Variants in SAMD8 observed in about 807,000 individuals in gnomAD.
The protein encoded by SAMD8 is sterile alpha motif domain containing 8.
In SAMD8, 20 loss-of-function variants were observed where a neutral mutation model predicts 42.0. The observed-to-expected ratio is 0.48, with a 90% CI of 0.34 to 0.69. The LOEUF (loss-of-function observed/expected upper bound fraction) is 0.69. Among genes scored for constraint, SAMD8 ranks in the 30% least tolerant of loss-of-function variants. The pLI is 0.01. For missense variants in SAMD8, 328 were observed against 511.6 expected (o/e 0.64, Z 3.46); for synonymous variants, 162 against 173.0 (o/e 0.94, Z 0.50).
chr10:75,106,726 A>G (rs571264683), upstream of SAMD8, among the ~76,000 whole-genome samples: 14 of 152,360 alleles, frequency 9.2e-5, 1 homozygote, highest in South Asian at 2.5e-3. Context: ...CCTGCTTCTT[A>G]AAGTCTGGAT....
chr10:75,127,833 ATGC>A (rs1243022761), intron 1 of SAMD8, among the ~76,000 whole-genome samples: 3 of 152,234 alleles, frequency 2.0e-5, no homozygotes, highest in African/African-American at 7.2e-5. Context: ...TAACTAGTTC[ATGC>A]TAAGGAACAA....
At chr10:75,134,544 A>G (rs1849343222) in intron 1 of SAMD8, among the ~76,000 whole-genome samples, 1 of 152,040 alleles carries the variant, frequency 6.6e-6, no homozygotes, top group African/African-American at 2.4e-5. Context: ...CTAAGGCAGG[A>G]GAATTGCTTG....
At chr10:75,130,022 G>A (rs1439048607) in intron 1 of SAMD8, among the ~76,000 whole-genome samples, 3 of 152,088 alleles carry the variant, frequency 2.0e-5, no homozygotes, top group African/African-American at 7.2e-5. Flanking sequence ...GGGGCAATTA[G>A]GGGAGATATT....
At chr10:75,120,414 C>T (rs954198784) in intron 1 of SAMD8, among the ~76,000 whole-genome samples, 4 of 151,814 alleles carry the variant, frequency 2.6e-5, no homozygotes, top group Admixed American at 6.6e-5. Flanking sequence ...GGATTACAGG[C>T]GCCTGCCACC....
chr10:75,125,971 C>T (rs1384830786), intron 1 of SAMD8: 1 of 152,154 alleles, frequency 6.6e-6, no homozygotes, highest in Non-Finnish European at 1.5e-5. Flanking sequence ...CATCATCTGG[C>T]CCCAGTTTAT....
rs1473351168 is a variant in SAMD8 at position 75,180,990 on chromosome 10, CT to C, written c.*4299del. The C allele has an allele frequency of 6.6e-6, 1 of 152,148 alleles. No individual in the cohort carries two copies. Among genetic ancestry groups the C allele is most frequent in the Non-Finnish European group, 1.5e-5 (1 of 68,036 alleles). 9.4% of individuals were successfully genotyped at this position (152,148 alleles called of 1,614,324 possible). A position where few individuals can be genotyped will look rare whatever the true frequency, so the allele number is the denominator to read the frequency against. On this transcript the variant is annotated 3_prime_UTR_variant, in exon 6 of 6. Transcript: ENST00000542569. Reference sequence around the variant, plus strand: ...ATGTTAACCACATTCTTGTTTTAAACTCTCTAATTTAATAAATGTAATTATT... The same window carrying C: ...ATGTTAACCACATTCTTGTTTTAAACCTCTAATTTAATAAATGTAATTATT...
upstream of SAMD8, among the ~76,000 whole-genome samples, chr10:75,108,807 G>A (rs767579743): frequency 2.2e-4 from 34 of 152,162 alleles, no homozygotes; most frequent in South Asian, 4.1e-4. Context: ...TCAGGCAGGC[G>A]AAGTCCCTGC....
intron 1 of SAMD8, chr10:75,105,793 T>TGGTGCAGCATGAGGTAGGCCA (rs1322273436): frequency 5.2e-6 from 8 of 1,551,010 alleles, no homozygotes. Flanking sequence ...GGACAGCCGC[T>TGGTGCAGCATGAGGTAGGCCA]GGTGCAGCAT....
chr10:75,105,596 C>A, intron 1 of SAMD8: 1 of 1,418,010 alleles, frequency 7.1e-7, no homozygotes, highest in Non-Finnish European at 9.7e-7. Context: ...CCTATGTCTG[C>A]AGCCTAGGCC....
intron 1 of SAMD8, among the ~76,000 whole-genome samples, chr10:75,119,288 G>A (rs1362959538): frequency 6.6e-6 from 1 of 152,036 alleles, no homozygotes; most frequent in Admixed American, 6.6e-5. Context: ...CTGAGTAGCT[G>A]GGATTACAGG....
rs748500839 is a variant in SAMD8, at chr10:75,150,551, G to T, written c.23G>T (p.Cys8Phe). ...GAAATGGCAGGTCCTAATCAACTCT[G>T]CATTCGCCGCTGGACTACCAAGCAT... MAGPNQL[C>F]IRRWTTKHVA... is the part of the protein sequence containing the mutation. Residue 8 changes from cysteine (C) to phenylalanine (F), a missense_variant, in exon 2 of 6, where the codon TGC becomes TTC. Around this residue, in one of 2 missense-constraint regions of SAMD8, gnomAD observed 150 missense variants for 186.0 expected, o/e 0.81. Transcript: ENST00000542569. The T allele has an allele frequency of 6.2e-7, 1 of 1,613,628 alleles. No homozygotes were observed. The highest frequency in any genetic ancestry group is 1.7e-5 in the Admixed American group (1 of 59,960).
intron 1 of SAMD8, chr10:75,101,982 A>C: frequency 7.3e-7 from 1 of 1,364,584 alleles, no homozygotes; most frequent in South Asian, 1.1e-5. Context: ...ATTTGAGTTT[A>C]ATTATAAAGC....
chr10:75,103,253 T>G (rs1321669629), intron 1 of SAMD8, among the ~76,000 whole-genome samples: 6 of 152,200 alleles, frequency 3.9e-5, no homozygotes, highest in Non-Finnish European at 8.8e-5. Flanking sequence ...AGGACCCAGG[T>G]CCGGGGCCCT....
chr10:75,145,154 C>T (rs1840104801), intron 1 of SAMD8, among the ~76,000 whole-genome samples: 1 of 152,074 alleles, frequency 6.6e-6, no homozygotes, highest in Admixed American at 6.6e-5. Context: ...CTTTGTTGCT[C>T]AGGCTGACCT....
Position 75,178,823 on chromosome 10 carries a change from GT to G in SAMD8, c.*2133del. ...GCAGGCGGATGGCTTGAGGTCAGGA[GT>G]TCGAGATTAGCCTGGCCAATATGGT... On this transcript the variant is annotated 3_prime_UTR_variant, in exon 6 of 6. Transcript: ENST00000542569. 6.6e-6 allele frequency: 1 copy of G among 152,242 alleles called. No individual in the cohort carries two copies. The highest frequency in any genetic ancestry group is 1.5e-5 in the Non-Finnish European group (1 of 68,146). 9.4% of individuals were successfully genotyped at this position (152,242 alleles called of 1,614,324 possible).
chr10:75,164,792 G>T, intron 3 of SAMD8, 52 bp downstream of exon 3: 2 of 1,276,792 alleles, frequency 1.6e-6, no homozygotes, highest in South Asian at 2.4e-5. Context: ...CCTGTATCAA[G>T]ATCATAAAAT....
chr10:75,144,063 G>C (rs1432361578), intron 1 of SAMD8, among the ~76,000 whole-genome samples: 1 of 151,634 alleles, frequency 6.6e-6, no homozygotes, highest in Admixed American at 6.6e-5. Context: ...TGCCTCCCGG[G>C]TTCAAGTGAT....
At chr10:75,116,695 A>G (rs1001230805) in intron 1 of SAMD8, among the ~76,000 whole-genome samples, 1 of 152,186 alleles carries the variant, frequency 6.6e-6, no homozygotes, top group African/African-American at 2.4e-5. Flanking sequence ...GATTTCCAAA[A>G]CCATACATTA....
At chr10:75,174,418 C>T (rs1453660284) in intron 4 of SAMD8, among the ~76,000 whole-genome samples, 32 of 149,236 alleles carry the variant, frequency 2.1e-4, no homozygotes, top group African/African-American at 7.1e-4. Context: ...CGTGAGCCAC[C>T]GTGCCTGGCC....
Sources: gnomAD v4.1 joint callset for allele counts (sites outside exome capture counted in the v4.1 genomes callset) on GRCh38, gnomAD v4.1.1 for gene constraint, gnomAD v4.1.1 regional missense constraint, MANE v1.5 for transcripts, NCBI Gene and HGNC (gene_info 2026-07-23, HGNC 2026-07-21) for gene names.